Variants in PTPN3 observed in about 807,000 individuals in gnomAD.
The protein encoded by PTPN3 is tyrosine-protein phosphatase non-receptor type 3.
In PTPN3, 96 loss-of-function variants were observed where a neutral mutation model predicts 132.7. The ratio of observed to expected loss-of-function variants is 0.72; its 90% CI spans 0.61 to 0.86. PTPN3 has a LOEUF of 0.86. PTPN3 is among the 40% of genes least tolerant of loss of function. The probability of loss-of-function intolerance (pLI) is 0.00; values close to 1 mark genes in which losing one functional copy is unlikely to be tolerated. For missense variants in PTPN3, 1,125 were observed against 1,159.6 expected (o/e 0.97, Z 0.43); for synonymous variants, 398 against 429.0 (o/e 0.93, Z 0.89).
chr9:109,463,472 G>T, intron 1 of PTPN3, 21 bp from the exon 2 acceptor site: 1 of 1,589,072 alleles, frequency 6.3e-7, no homozygotes, highest in Non-Finnish European at 8.6e-7. Flanking sequence ...AAATATACCT[G>T]TTAGTGCTTT....
intron 11 of PTPN3, 68 bp downstream of exon 11, chr9:109,428,553 G>A (rs1160220745): frequency 1.4e-5 from 22 of 1,526,932 alleles, no homozygotes; most frequent in Admixed American, 7.1e-5. Flanking sequence ...GCAACATAGC[G>A]AGACCCTGTC....
At chr9:109,393,849 T>G (rs1252345984) in intron 19 of PTPN3, among the ~76,000 whole-genome samples, 1 of 152,224 alleles carries the variant, frequency 6.6e-6, no homozygotes, top group African/African-American at 2.4e-5. Context: ...GTTTTTTCTC[T>G]TACTAAATAA....
chr9:109,501,789 T>C (rs969413034), upstream of PTPN3, among the ~76,000 whole-genome samples: 7 of 152,232 alleles, frequency 4.6e-5, no homozygotes, highest in Admixed American at 2.6e-4. Flanking sequence ...CTCTGGGCAT[T>C]CACTTTGGAG....
At position 109,379,213 on chromosome 9, in the gene PTPN3, G is replaced by A. The variant is rs1838818177; in HGVS notation, c.*343C>T. On this transcript the variant is annotated 3_prime_UTR_variant, in exon 26 of 26. Transcript: ENST00000374541. ...AACCACACCATCTTGTTGCTGGGAG[G>A]ACAACAGCTCTGTGGGTGTCCGGTC... 1 of 225,590 alleles carries A rather than the reference G, an allele frequency of 4.4e-6. No individual in the cohort carries two copies. Among genetic ancestry groups the A allele is most frequent in the African/African-American group, 2.3e-5 (1 of 43,866 alleles). 14.0% of individuals were successfully genotyped at this position (225,590 alleles called of 1,614,324 possible).
intron 1 of PTPN3, among the ~76,000 whole-genome samples, chr9:109,471,061 CT>C (rs370759165): frequency 1.9e-3 from 278 of 143,400 alleles, no homozygotes; most frequent in East Asian, 3.8e-3. Flanking sequence ...ACATACGCAT[CT>C]TTTTTTTTTT....
the PTPN3 span, among the ~76,000 whole-genome samples, chr9:109,532,133 A>C: frequency 6.6e-6 from 1 of 152,190 alleles, no homozygotes; most frequent in Non-Finnish European, 1.5e-5. Flanking sequence ...TTCCGATCTT[A>C]GCACTGAAAG....
chr9:109,404,650 C>T (rs1255757108), intron 18 of PTPN3, 42 bp from the exon 19 acceptor site: 1 of 1,392,200 alleles, frequency 7.2e-7, no homozygotes, highest in Non-Finnish European at 9.5e-7. Flanking sequence ...TGTAGCAATA[C>T]TCAGGTTTAT....
At chr9:109,405,837 T>C (rs1841517167) in intron 18 of PTPN3, among the ~76,000 whole-genome samples, 1 of 152,202 alleles carries the variant, frequency 6.6e-6, no homozygotes, top group South Asian at 2.1e-4. Context: ...ACACCCACCT[T>C]GGCCTTCCAA....
At chr9:109,456,906 A>T (rs2150259) in intron 4 of PTPN3, among the ~76,000 whole-genome samples, 135,422 of 152,146 alleles carry the variant, frequency 0.89, 60,550 homozygotes, top group African/African-American at 0.97. Flanking sequence ...TCCTTCCTTG[A>T]ATACAGAAAT....
At chr9:109,399,695 A>G (rs917401867) in intron 19 of PTPN3, among the ~76,000 whole-genome samples, 4 of 151,366 alleles carry the variant, frequency 2.6e-5, no homozygotes, top group African/African-American at 9.7e-5. Flanking sequence ...AAGCACTGAT[A>G]GAAACCAGCT....
Position 109,408,796 on chromosome 9 carries a change from A to AAAT in PTPN3, c.1579-420_1579-419insATT, listed in dbSNP as rs1377996219. ...TTATAATAATTAAAAAAAAAAAAAA[A>AAAT]ATATATATATATATATATATATGGG... On this transcript the variant is annotated intron_variant, in intron 16 of 25. Coordinates refer to ENST00000374541, the MANE Select transcript of PTPN3 (RefSeq NM_002829.4). 7.5e-3 allele frequency among the ~76,000 whole-genome samples: 811 copies of AAAT among 108,260 alleles called. 8 individuals carry two copies. The highest frequency in any genetic ancestry group is 0.02 in the African/African-American group (528 of 26,872). 71.0% of individuals were successfully genotyped at this position (108,260 alleles called of 152,430 possible). A position where few individuals can be genotyped will look rare whatever the true frequency, so the allele number is the denominator to read the frequency against.
At chr9:109,517,954 A>T in the PTPN3 span, among the ~76,000 whole-genome samples, 1 of 152,146 alleles carries the variant, frequency 6.6e-6, no homozygotes, top group Non-Finnish European at 1.5e-5. Flanking sequence ...GACTGCATCC[A>T]TGATGCCTGT....
Position 109,377,458 on chromosome 9 carries a change from A to ACACACACACACACACACAC in PTPN3, c.*2097_*2098insGTGTGTGTGTGTGTGTGTG, listed in dbSNP as rs1564361868. 7.7e-6 allele frequency: 1 copy of ACACACACACACACACACAC among 129,940 alleles called. No homozygotes were observed. The highest frequency in any genetic ancestry group is 3.1e-5 in the African/African-American group (1 of 32,660). The allele number at this position is 129,940 out of a possible 1,614,324, so 8.0% of individuals were successfully genotyped here. On this transcript the variant is annotated 3_prime_UTR_variant, in exon 26 of 26. Coordinates refer to ENST00000374541, the MANE Select transcript of PTPN3 (RefSeq NM_002829.4). Reference sequence around the variant, plus strand: ...CACACACACACACACACACACACACAAGCCAGGTGAGGTGGCATGTGCCTA... The same window carrying ACACACACACACACACACAC: ...CACACACACACACACACACACACACACACACACACACACACACACAGCCAGGTGAGGTGGCATGTGCCTA...
At chr9:109,436,790 A>G in intron 9 of PTPN3, 93 bp downstream of exon 9, 2 of 1,505,364 alleles carry the variant, frequency 1.3e-6, no homozygotes, top group Non-Finnish European at 1.8e-6. Context: ...TGTTATAATG[A>G]AAAAGAAATA....
intron 1 of PTPN3, among the ~76,000 whole-genome samples, chr9:109,466,028 TTG>T (rs1162257887): frequency 5.3e-5 from 8 of 152,104 alleles, no homozygotes; most frequent in Non-Finnish European, 1.2e-4. Context: ...AGTCACAGAT[TTG>T]TGTGACAGAG....
At chr9:109,479,009 G>GT (rs796293710) in intron 1 of PTPN3, among the ~76,000 whole-genome samples, 5,622 of 140,500 alleles carry the variant, frequency 0.04, 269 homozygotes, top group African/African-American at 0.12. Context: ...GTAAACAAGC[G>GT]TTTTTTTTTT....
chr9:109,516,720 T>C, the PTPN3 span, among the ~76,000 whole-genome samples: 7 of 152,076 alleles, frequency 4.6e-5, no homozygotes. Flanking sequence ...GCAACAATGA[T>C]TGTGGAGAAG....
chr9:109,478,485 C>T (rs1242183565), intron 1 of PTPN3, among the ~76,000 whole-genome samples: 3 of 152,054 alleles, frequency 2.0e-5, no homozygotes, highest in Non-Finnish European at 2.9e-5. Context: ...CCACAGTAAA[C>T]CCAGAAAAGG....
At chr9:109,533,485 G>C in the PTPN3 span, 7 of 1,591,624 alleles carry the variant, frequency 4.4e-6, no homozygotes, top group African/African-American at 8.1e-5. Flanking sequence ...GTAAGTTGCG[G>C]CGGTACCGAC....
Sources: gnomAD v4.1 joint callset for allele counts (sites outside exome capture counted in the v4.1 genomes callset) on GRCh38, gnomAD v4.1.1 for gene constraint, MANE v1.5 for transcripts, NCBI Gene and HGNC (gene_info 2026-07-23, HGNC 2026-07-21) for gene names.